CLPTM1: variants seen among roughly 807,000 people sequenced by gnomAD.
CLPTM1 encodes CLPTM1 regulator of GABA type A receptor forward trafficking, also known as putative lipid scramblase CLPTM1.
CLPTM1 carries 21 observed loss-of-function variants against 77.3 expected under a neutral mutation model. That is an observed-to-expected ratio of 0.27 (90% CI 0.19 to 0.39). The LOEUF (loss-of-function observed/expected upper bound fraction) is 0.39. CLPTM1 is among the 10% of genes least tolerant of loss of function. CLPTM1 has a pLI of 1.00. For synonymous variants in CLPTM1, 373 were observed against 381.0 expected, an observed-to-expected ratio of 0.98 and a Z score of 0.24; for missense variants, 642 against 921.2, an observed-to-expected ratio of 0.70 and a Z score of 3.92.
At chr19:44,966,820 G>T (rs1182788158) in intron 2 of CLPTM1, among the ~76,000 whole-genome samples, 1 of 151,652 alleles carries the variant, frequency 6.6e-6, no homozygotes, top group Non-Finnish European at 1.5e-5. Context: ...GAGCAACACA[G>T]TAAGACCCCC....
At chr19:44,985,823 GT>G (rs1300706434) in intron 6 of CLPTM1, among the ~76,000 whole-genome samples, 1 of 152,208 alleles carries the variant, frequency 6.6e-6, no homozygotes, top group Non-Finnish European at 1.5e-5. Flanking sequence ...TGGGGGGGTG[GT>G]CCCTGCTCAT....
Position 44,990,298 on chromosome 19 carries a change from A to G in CLPTM1, c.1133-97A>G. 7.9e-7 allele frequency: 1 copy of G among 1,268,166 alleles called. No individual in the cohort carries two copies. The highest frequency in any genetic ancestry group is 1.1e-6 in the Non-Finnish European group (1 of 898,294). 78.6% of individuals were successfully genotyped at this position (1,268,166 alleles called of 1,614,324 possible). A position where few individuals can be genotyped will look rare whatever the true frequency, so the allele number is the denominator to read the frequency against. The stretch of plus-strand genomic sequence containing the variant: ...CCTCCTGAGGACCCAGCCCCACCCC[A>G]GGGTGTGAGGATGCAGGCCAAGGGG... On this transcript the variant is annotated intron_variant, in intron 9 of 13. Transcript: ENST00000337392. This position sits in a 1 kb window ranked among gnomAD's most constrained non-coding sequence, Gnocchi z 4.8.
intron 1 of CLPTM1, among the ~76,000 whole-genome samples, chr19:44,956,674 G>A (rs1970468643): frequency 6.6e-6 from 1 of 152,166 alleles, no homozygotes; most frequent in African/African-American, 2.4e-5. Flanking sequence ...CTGAAAGGAG[G>A]TCGTTTCCCC....
In CLPTM1 at chr19:44,991,432, C is replaced by T; in HGVS notation, c.1555+59C>T. On this transcript the variant is annotated intron_variant, in intron 12 of 13. Transcript: ENST00000337392. The surrounding 1 kb of genome is among the most constrained non-coding windows in gnomAD (Gnocchi z 5.4). Reference sequence around the variant, plus strand: ...CCCCATGCTGCGCAGGGCTCACAGCCCCAGTGTAGGAGACAGACCCATCCC... The same window carrying T: ...CCCCATGCTGCGCAGGGCTCACAGCTCCAGTGTAGGAGACAGACCCATCCC... 2 of 1,585,546 alleles carry T rather than the reference C, an allele frequency of 1.3e-6. No individual in the cohort carries two copies. Among genetic ancestry groups the T allele is most frequent in the Admixed American group, 1.7e-5 (1 of 59,588 alleles).
At chr19:44,986,988 C>T in intron 7 of CLPTM1, 191 bp from the exon 8 acceptor site, 2 of 695,760 alleles carry the variant, frequency 2.9e-6, no homozygotes, top group Admixed American at 2.8e-5. Flanking sequence ...TGGGGACCTG[C>T]CTGCCCTTTG....
rs1182264047 is a variant in CLPTM1, at chr19:44,992,709, G to A, written c.1822G>A (p.Ala608Thr). Reference protein sequence around the residue: ...FGMSGEDPTAAAPVAEVPTAA... With the variant: ...FGMSGEDPTATAPVAEVPTAA... ...CATGAGTGGAGAAGACCCCACAGCT[G>A]CCGCCCCCGTGGCCGAGGTTCCCAC... The change falls in exon 14 of 14, where the codon GCC becomes ACC. Residue 608 changes from alanine (A) to threonine (T), a missense_variant. Coordinates refer to ENST00000337392, the MANE Select transcript of CLPTM1 (RefSeq NM_001294.4). This position sits in a 1 kb window ranked among gnomAD's most constrained non-coding sequence, Gnocchi z 7.7. 1 of 1,613,558 alleles carries A rather than the reference G, an allele frequency of 6.2e-7. No individual in the cohort carries two copies. Among genetic ancestry groups the A allele is most frequent in the East Asian group, 2.2e-5 (1 of 44,874 alleles).
chr19:44,957,255 A>C (rs57985871), intron 1 of CLPTM1, among the ~76,000 whole-genome samples: 1,937 of 152,278 alleles, frequency 0.013, 37 homozygotes, highest in African/African-American at 0.041. Context: ...TATTAGTCCT[A>C]CAGATTTCAG....
chr19:44,965,482 G>A (rs1461200831), intron 2 of CLPTM1, among the ~76,000 whole-genome samples: 4 of 150,172 alleles, frequency 2.7e-5, no homozygotes, highest in Non-Finnish European at 5.9e-5. Flanking sequence ...TGGCGACAGA[G>A]CAAGACTGAG....
Position 44,961,997 on chromosome 19 carries a change from CA to C in CLPTM1, c.108del (p.Ala37ArgfsTer66). The C allele has an allele frequency of 6.2e-7, 1 of 1,610,238 alleles. No individual in the cohort carries two copies. Among genetic ancestry groups the C allele is most frequent in the Non-Finnish European group, 8.5e-7 (1 of 1,178,884 alleles). ...AATGGCAGCATCGGGAGGGACCCGC[CA>C]GCGGAGACCCAGCCTCAGAACCCAC... ...TSNGSIGRDP[P>X]AETQPQNPPA... is the part of the protein sequence containing the mutation. On this transcript the variant is annotated frameshift_variant, in exon 2 of 14. Coordinates refer to ENST00000337392, the MANE Select transcript of CLPTM1 (RefSeq NM_001294.4). LOFTEE classifies it high-confidence loss of function.
intron 9 of CLPTM1, among the ~76,000 whole-genome samples, chr19:44,988,846 C>T (rs899345641): frequency 1.2e-4 from 18 of 152,186 alleles, no homozygotes; most frequent in Non-Finnish European, 2.2e-4. Context: ...CTGTAGCTCC[C>T]GCAGGCGGCA....
intron 2 of CLPTM1, among the ~76,000 whole-genome samples, chr19:44,968,796 G>A (rs1306676546): frequency 6.6e-6 from 1 of 152,180 alleles, no homozygotes; most frequent in Non-Finnish European, 1.5e-5. Context: ...ACTCTCCCCT[G>A]GTGTGTTTAC....
chr19:44,966,848 T>C (rs1970638062), intron 2 of CLPTM1, among the ~76,000 whole-genome samples: 1 of 151,498 alleles, frequency 6.6e-6, no homozygotes, highest in Non-Finnish European at 1.5e-5. Flanking sequence ...TCTCTCTCTC[T>C]CTTTTTTTTG....
At position 44,989,739 on chromosome 19, in the gene CLPTM1, A is replaced by C. The variant is rs571056049; in HGVS notation, c.1133-656A>C. 5.9e-5 allele frequency among the ~76,000 whole-genome samples: 9 copies of C among 152,216 alleles called. No homozygotes were observed. In the South Asian group the frequency reaches 1.9e-3, roughly 32 times the overall value. ...CTCAGCCTCCTGTGGCTGCGGTTAG[A>C]TGCTCAGCCGGGCGGGGTCAAGAGA... On this transcript the variant is annotated intron_variant, in intron 9 of 13. Transcript: ENST00000337392.
At position 44,992,137 on chromosome 19, in the gene CLPTM1, G is replaced by A. The variant is rs756105631; in HGVS notation, c.1556-96G>A. On this transcript the variant is annotated intron_variant, in intron 12 of 13. Transcript: ENST00000337392. This position sits in a 1 kb window ranked among gnomAD's most constrained non-coding sequence, Gnocchi z 7.7. ...AGGAAGTGGTAGAGTGTGCCCAGGT[G>A]TAGGAAGTGGTGAGGGGGCTGGTAT... 1.0e-4 allele frequency: 131 copies of A among 1,314,222 alleles called. No homozygotes were observed. The highest frequency in any genetic ancestry group is 1.4e-4 in the Non-Finnish European group (126 of 931,768). 81.4% of individuals were successfully genotyped at this position (1,314,222 alleles called of 1,614,324 possible).
In CLPTM1 at chr19:44,976,270, T is replaced by C. The variant is rs561856960; in HGVS notation, c.469-1073T>C. ...GCCTGGCAGGCCCAGCAGGGGGATC[T>C]GCTTCCAAGGGCTTGGATCTAAGTC... is the stretch of plus-strand genomic sequence containing the variant. On this transcript the variant is annotated intron_variant, in intron 4 of 13. Transcript: ENST00000337392. Among the ~76,000 whole-genome samples the C allele has an allele frequency of 2.4e-4, 36 of 152,266 alleles. 1 individual carries two copies. In the South Asian group the frequency reaches 7.2e-3, roughly 31 times the overall value.
chr19:44,992,210 G>C lies in CLPTM1; in HGVS notation c.1556-23G>C. On this transcript the variant is annotated intron_variant, in intron 12 of 13. Transcript: ENST00000337392. This position sits in a 1 kb window ranked among gnomAD's most constrained non-coding sequence, Gnocchi z 7.7. ...GAGAGGTGGGAGAGGCCATCCCTCT[G>C]CTCATGGGTGCTCTCACTGCAGGCT... 3 of 1,613,442 alleles carry C rather than the reference G, an allele frequency of 1.9e-6. No individual in the cohort carries two copies. The South Asian group carries it at 3.3e-5, about 18-fold the overall frequency.
At chr19:44,955,226 G>C, upstream of CLPTM1, 1 of 1,516,736 alleles carries the variant, frequency 6.6e-7, no homozygotes, top group Non-Finnish European at 8.8e-7. Flanking sequence ...CGGTGGCCAG[G>C]TTGGTCCTTC....
chr19:44,955,159 C>A, upstream of CLPTM1: 1 of 1,535,590 alleles, frequency 6.5e-7, no homozygotes, highest in Non-Finnish European at 8.7e-7. Context: ...TCCTGGAGTT[C>A]GGAGCATACA....
rs1402262664 is a variant in CLPTM1, at chr19:44,993,204, G to T, written c.*307G>T. The T allele has an allele frequency of 1.8e-6, 1 of 559,736 alleles. No homozygotes were observed. The highest frequency in any genetic ancestry group is 1.9e-5 in the African/African-American group (1 of 53,938). 34.7% of individuals were successfully genotyped at this position (559,736 alleles called of 1,614,324 possible). On this transcript the variant is annotated 3_prime_UTR_variant, in exon 14 of 14. Coordinates refer to ENST00000337392, the MANE Select transcript of CLPTM1 (RefSeq NM_001294.4). ...AGGGGGTGGGTTGGGCGGGGGTGGG[G>T]CCGGGCCCCCCTACGGGATGCCCAC... is the stretch of plus-strand genomic sequence containing the variant.
Sources: gnomAD v4.1 joint callset for allele counts (sites outside exome capture counted in the v4.1 genomes callset) on GRCh38, gnomAD v4.1.1 for gene constraint, Gnocchi (gnomAD v3.1) non-coding constraint, MANE v1.5 for transcripts, NCBI Gene and HGNC (gene_info 2026-07-23, HGNC 2026-07-21) for gene names.